Variants in AMZ1 observed in about 807,000 individuals in gnomAD.
AMZ1 encodes the protein archaemetzincin-1.
Under a neutral mutation model 29.9 loss-of-function variants are expected in AMZ1, and 39 were observed. That is an observed-to-expected ratio of 1.30 (90% CI 1.01 to 1.70). AMZ1 has a LOEUF of 1.70. AMZ1 is among the 40% of genes most tolerant of loss of function. The probability of loss-of-function intolerance (pLI) is 0.00; values close to 1 mark genes in which losing one functional copy is unlikely to be tolerated. For missense variants in AMZ1, 1,041 were observed against 680.6 expected, an observed-to-expected ratio of 1.53 and a Z score of -5.89; for synonymous variants, 458 against 304.0, an observed-to-expected ratio of 1.51 and a Z score of -5.27.
chr7:2,729,158 C>T (rs1190419301), intron 4 of AMZ1: 5 of 152,410 alleles, frequency 3.3e-5, no homozygotes, highest in African/African-American at 9.6e-5. Flanking sequence ...AGGCTCTCCC[C>T]GTTGGCGGAG....
rs189952585 is a variant in AMZ1 at position 2,715,055 on chromosome 7, G to T, written c.*2177G>T. 8.5e-5 allele frequency: 13 copies of T among 152,430 alleles called. No homozygotes were observed. Among genetic ancestry groups the T allele is most frequent in the Admixed American group, 7.8e-4 (12 of 15,302 alleles). The allele number at this position is 152,430 out of a possible 1,614,324, so 9.4% of individuals were successfully genotyped here. ...AAAGAGGGGAGACGAAAAAAAGAGG[G>T]TCACTTTCAGAAAGGGACCTGGGCT... On this transcript the variant is annotated 3_prime_UTR_variant, in exon 7 of 7. Transcript: ENST00000683327.
At chr7:2,739,073 G>A (rs1001315283) in intron 4 of AMZ1, among the ~76,000 whole-genome samples, 7 of 152,210 alleles carry the variant, frequency 4.6e-5, no homozygotes, top group African/African-American at 1.7e-4. Context: ...TCCGCAGGGT[G>A]TGTCCTCGGC....
At chr7:2,742,371 G>A (rs139933446) in intron 4 of AMZ1, among the ~76,000 whole-genome samples, 68 of 152,208 alleles carry the variant, frequency 4.5e-4, no homozygotes, top group African/African-American at 1.5e-3. Flanking sequence ...GGGTTTTTGC[G>A]ATGTCTCCAG....
chr7:2,703,382 C>A (rs1239199251), intron 3 of AMZ1, among the ~76,000 whole-genome samples: 1 of 152,196 alleles, frequency 6.6e-6, no homozygotes, highest in African/African-American at 2.4e-5. Flanking sequence ...CTCAAGTGAT[C>A]TGCCTGCCTC....
At position 2,709,708 on chromosome 7, in the gene AMZ1, G is replaced by C. The variant is rs1157493564; in HGVS notation, c.840G>C (p.Gln280His). The stretch of plus-strand genomic sequence containing the variant: ...GCCGCTGGCTCCGCTGCCTCATGCA[G>C]GGTGCGCTCAGCCTGGACGAGGCCC... ...GNCRWLRCLM[Q>H]GALSLDEALR... The change falls in exon 6 of 7, where the codon CAG becomes CAC. Residue 280 changes from glutamine (Q) to histidine (H), a missense_variant. Physicochemically the swap from Gln to His is conservative, Grantham distance 24. Coordinates refer to ENST00000683327, the MANE Select transcript of AMZ1 (RefSeq NM_001384743.1). The C allele has an allele frequency of 6.2e-7, 1 of 1,611,048 alleles. No homozygotes were observed. Among genetic ancestry groups the C allele is most frequent in the Non-Finnish European group, 8.5e-7 (1 of 1,179,870 alleles).
In AMZ1 at chr7:2,712,777, G is replaced by C. The variant is rs1295343570; in HGVS notation, c.1396G>C (p.Val466Leu). 1 of 1,577,494 alleles carries C rather than the reference G, an allele frequency of 6.3e-7. No individual in the cohort carries two copies. Among genetic ancestry groups the C allele is most frequent in the Non-Finnish European group, 8.6e-7 (1 of 1,159,208 alleles). ...CAGGGACAGCGTGGGGCTGCGCAAG[G>C]TGCTGGGGGACAAGTTCTCCTCCCT... ...SSRDSVGLRK[V>L]LGDKFSSLRR... Residue 466 changes from valine (V) to leucine (L), a missense_variant, in exon 7 of 7, where the codon GTG becomes CTG. Transcript: ENST00000683327.
upstream of AMZ1, among the ~76,000 whole-genome samples, chr7:2,684,683 G>A (rs2115027478): frequency 6.6e-6 from 1 of 152,296 alleles, no homozygotes; most frequent in South Asian, 2.1e-4. Context: ...CGTTGGCTGA[G>A]TGAAGCCTTG....
At chr7:2,697,459 C>T (rs1383025726) in intron 1 of AMZ1, among the ~76,000 whole-genome samples, 1 of 151,846 alleles carries the variant, frequency 6.6e-6, no homozygotes, top group Non-Finnish European at 1.5e-5. Context: ...GGTCTCACTC[C>T]CTCCTCCAGG....
intron 4 of AMZ1, among the ~76,000 whole-genome samples, chr7:2,736,569 T>C (rs1289289406): frequency 1.3e-5 from 2 of 152,134 alleles, no homozygotes; most frequent in African/African-American, 4.8e-5. Context: ...CAGGTTGATA[T>C]GGGGCCTGTG....
At chr7:2,685,166 C>G (rs1421234525), upstream of AMZ1, among the ~76,000 whole-genome samples, 1 of 151,882 alleles carries the variant, frequency 6.6e-6, no homozygotes, top group South Asian at 2.1e-4. Flanking sequence ...CCGCGCCCGG[C>G]CTCGATGCAT....
chr7:2,754,161 G>A (rs1053871220), intron 4 of AMZ1, among the ~76,000 whole-genome samples: 5 of 152,212 alleles, frequency 3.3e-5, no homozygotes, highest in South Asian at 2.1e-4. Flanking sequence ...TTGTATCTGT[G>A]TTAATAGGTG....
intron 6 of AMZ1, among the ~76,000 whole-genome samples, chr7:2,710,239 G>C (rs543853141): frequency 6.6e-6 from 1 of 152,340 alleles, no homozygotes; most frequent in African/African-American, 2.4e-5. Flanking sequence ...GACACAACAA[G>C]GCTTGTTGGA....
In AMZ1 at chr7:2,738,856, C is replaced by G. The variant is rs77756278; in HGVS notation, n.551-25856C>G. ...TTTTGTTTGTTTTTTTGTTTTTTGC[C>G]AGAATGTGAAAGTACAGAGGAGCTG... On this transcript the variant is annotated intron_variant and non_coding_transcript_variant, in intron 4 of 4. Transcript: ENST00000489665. Among the ~76,000 whole-genome samples the G allele has an allele frequency of 9.2e-3, 1,403 of 152,114 alleles. 16 individuals are homozygous for G. Among genetic ancestry groups the G allele is most frequent in the African/African-American group, 0.032 (1,326 of 41,508 alleles).
chr7:2,757,889 T>C (rs1013837400), intron 4 of AMZ1, among the ~76,000 whole-genome samples: 1 of 152,202 alleles, frequency 6.6e-6, no homozygotes, highest in Admixed American at 6.5e-5. Flanking sequence ...TTTCCTTTAA[T>C]AGCTTAGTGG....
At chr7:2,757,128 CCTT>C (rs1791338523) in intron 4 of AMZ1, among the ~76,000 whole-genome samples, 2 of 115,136 alleles carry the variant, frequency 1.7e-5, no homozygotes, top group Non-Finnish European at 3.5e-5. Context: ...ATCAGGTGGG[CCTT>C]TTTTTTTTTT....
At chr7:2,721,479 G>A (rs993050695), downstream of AMZ1, among the ~76,000 whole-genome samples, 1 of 152,200 alleles carries the variant, frequency 6.6e-6, no homozygotes, top group Non-Finnish European at 1.5e-5. Flanking sequence ...CACTTTGGGA[G>A]GCTGAGGTGG....
chr7:2,716,860 G>A lies in AMZ1; in HGVS notation c.*3982G>A, dbSNP rs1789151613. Among the ~76,000 whole-genome samples, 1 of 152,252 alleles carries A rather than the reference G, an allele frequency of 6.6e-6. No individual in the cohort carries two copies. Among genetic ancestry groups the A allele is most frequent in the Admixed American group, 6.5e-5 (1 of 15,288 alleles). ...ATGGCTGCATCCCCACCATATGGCTGTGGCTGTCGAGATGGGACTGGGAAG... is the reference window on the plus strand; with the variant it reads ...ATGGCTGCATCCCCACCATATGGCTATGGCTGTCGAGATGGGACTGGGAAG... On this transcript the variant is annotated 3_prime_UTR_variant, in exon 7 of 7. Coordinates refer to ENST00000683327, the MANE Select transcript of AMZ1 (RefSeq NM_001384743.1).
intron 1 of AMZ1, among the ~76,000 whole-genome samples, chr7:2,691,303 CA>C (rs1366902711): frequency 1.4e-5 from 2 of 147,702 alleles, no homozygotes; most frequent in Non-Finnish European, 2.9e-5. Context: ...GGACTGGAGT[CA>C]GGGGTCTCTG....
At chr7:2,685,084 T>G (rs1261307606), upstream of AMZ1, among the ~76,000 whole-genome samples, 13 of 151,776 alleles carry the variant, frequency 8.6e-5, no homozygotes, top group East Asian at 1.6e-3. Context: ...TTAGCCAGGA[T>G]GGTCTTGATC....
Sources: gnomAD v4.1 joint callset for allele counts (sites outside exome capture counted in the v4.1 genomes callset) on GRCh38, gnomAD v4.1.1 for gene constraint, MANE v1.5 for transcripts, NCBI Gene and HGNC (gene_info 2026-07-23, HGNC 2026-07-21) for gene names.